The following ALK variants were observed in gnomAD, a reference collection of about 807,000 sequenced individuals.
ALK encodes the protein ALK receptor tyrosine kinase.
In ALK, 74 loss-of-function variants were observed where a neutral mutation model predicts 163.1. The observed-to-expected ratio is 0.45, with a 90% confidence interval of 0.38 to 0.55. ALK has a LOEUF of 0.55. ALK is among the 20% of genes least tolerant of loss of function. The pLI, the probability that ALK is intolerant of heterozygous loss-of-function variation, is 0.00. For synonymous variants in ALK, 960 were observed against 843.2 expected, an observed-to-expected ratio of 1.14 and a Z score of -2.40; for missense variants, 2,063 against 2,105.3, an observed-to-expected ratio of 0.98 and a Z score of 0.39.
chr2:29,507,352 G>A (rs1175891569), intron 4 of ALK, among the ~76,000 whole-genome samples: 1 of 152,162 alleles, frequency 6.6e-6, no homozygotes, highest in Non-Finnish European at 1.5e-5. Flanking sequence ...AAGTATAGTG[G>A]TGGTTGCCTG....
intron 3 of ALK, among the ~76,000 whole-genome samples, chr2:29,685,167 G>A (rs560097464): frequency 6.6e-6 from 1 of 152,256 alleles, no homozygotes; most frequent in African/African-American, 2.4e-5. Context: ...TCATTTATGA[G>A]CCAGTTGGCA....
At chr2:29,861,773 C>T (rs1312443566) in intron 1 of ALK, among the ~76,000 whole-genome samples, 3 of 152,134 alleles carry the variant, frequency 2.0e-5, no homozygotes, top group Non-Finnish European at 2.9e-5. Context: ...TACTTCCAAA[C>T]TCACTTTATG....
Position 29,920,198 on chromosome 2 carries a change from G to A in ALK, c.462C>T (p.Cys154=), listed in dbSNP as rs755369862. 2 of 1,613,400 alleles carry A rather than the reference G, an allele frequency of 1.2e-6. No individual in the cohort carries two copies. The highest frequency in any genetic ancestry group is 1.1e-5 in the South Asian group (1 of 91,072). ...CAGCCGCCTCCCCGGGGGGCCCGAC[G>A]CAACCCTCCAAGATCGCCTCCTCGC... The part of the protein sequence containing the change: ...ELGEEAILEG[C]VGPPGEAAVG... The change falls in exon 1 of 29, where the codon TGC becomes TGT. Residue 154 remains cysteine (C), a synonymous_variant. Coordinates refer to ENST00000389048, the MANE Select transcript of ALK (RefSeq NM_004304.5).
intron 4 of ALK, among the ~76,000 whole-genome samples, chr2:29,397,579 T>A (rs1669341758): frequency 6.6e-6 from 1 of 152,234 alleles, no homozygotes; most frequent in African/African-American, 2.4e-5. Context: ...ACTTTAAAAG[T>A]ATTTTTGCAG....
intron 6 of ALK, among the ~76,000 whole-genome samples, 168 bp downstream of exon 6, chr2:29,328,182 A>C (rs1667330547): frequency 6.6e-6 from 1 of 152,222 alleles, no homozygotes; most frequent in African/African-American, 2.4e-5. Context: ...TAGACCACAA[A>C]TCTTAGCTCT....
intron 1 of ALK, among the ~76,000 whole-genome samples, chr2:29,751,916 A>G (rs1680376303): frequency 6.6e-6 from 1 of 152,332 alleles, no homozygotes; most frequent in Non-Finnish European, 1.5e-5. Flanking sequence ...AACAACAATG[A>G]TGATAATTGT....
chr2:29,652,976 C>T (rs1677077066), intron 3 of ALK, among the ~76,000 whole-genome samples: 1 of 152,128 alleles, frequency 6.6e-6, no homozygotes, highest in Non-Finnish European at 1.5e-5. Context: ...ATGGTGAGAA[C>T]CCCAACTTGA....
At chr2:29,592,403 T>C (rs1267303049) in intron 3 of ALK, among the ~76,000 whole-genome samples, 1 of 152,166 alleles carries the variant, frequency 6.6e-6, no homozygotes, top group African/African-American at 2.4e-5. Flanking sequence ...CCTTAGTCCA[T>C]GCTGGCTCAA....
chr2:29,358,549 G>A (rs1279635547), intron 5 of ALK, among the ~76,000 whole-genome samples: 4 of 152,204 alleles, frequency 2.6e-5, no homozygotes, highest in Admixed American at 6.5e-5. Context: ...CAGACTGATT[G>A]ACAGCAAGTT....
intron 4 of ALK, among the ~76,000 whole-genome samples, chr2:29,484,719 G>T (rs1671739925): frequency 6.6e-6 from 1 of 151,928 alleles, no homozygotes; most frequent in African/African-American, 2.4e-5. Context: ...CTTTTCATGA[G>T]ATCTATAAAT....
intron 4 of ALK, among the ~76,000 whole-genome samples, chr2:29,466,741 A>C (rs535335995): frequency 3.0e-4 from 45 of 152,244 alleles, no homozygotes; most frequent in African/African-American, 1.1e-3. Flanking sequence ...AATGAGGTAG[A>C]AAAAAGCTGA....
chr2:29,628,347 A>T (rs946770864), intron 3 of ALK, among the ~76,000 whole-genome samples: 1 of 152,188 alleles, frequency 6.6e-6, no homozygotes, highest in South Asian at 2.1e-4. Context: ...GATGAATCAC[A>T]TGTGCTCTCT....
At chr2:29,391,256 C>A (rs1420200577) in intron 4 of ALK, among the ~76,000 whole-genome samples, 1 of 143,070 alleles carries the variant, frequency 7.0e-6, no homozygotes, top group Non-Finnish European at 1.5e-5. Context: ...TGTTTCGGAA[C>A]AAAGACAACA....
Position 29,657,400 on chromosome 2 carries a change from A to G in ALK, c.952+37450T>C, listed in dbSNP as rs546058713. On this transcript the variant is annotated intron_variant, in intron 3 of 28. Coordinates refer to ENST00000389048, the MANE Select transcript of ALK (RefSeq NM_004304.5). ...CTCATCTGTAAAATGGGGACAGCAT[A>G]GAAGGGTCCTTGTTAAGACTAAAGA... Among the ~76,000 whole-genome samples the G allele has an allele frequency of 2.7e-5, 4 of 150,070 alleles. No homozygotes were observed. In the South Asian group the frequency reaches 6.3e-4, roughly 24 times the overall value.
At chr2:29,339,664 G>A (rs1289972756) in intron 5 of ALK, among the ~76,000 whole-genome samples, 2 of 152,226 alleles carry the variant, frequency 1.3e-5, no homozygotes, top group Non-Finnish European at 2.9e-5. Context: ...AGCAAGTCAC[G>A]GAGGCAGCTT....
At chr2:29,235,900 G>T (rs1275694689) in intron 13 of ALK, among the ~76,000 whole-genome samples, 1 of 121,348 alleles carries the variant, frequency 8.2e-6, no homozygotes, top group Non-Finnish European at 1.7e-5. Flanking sequence ...AAGAAACAGG[G>T]TCTTGCTATG....
At chr2:29,761,846 G>A (rs970513064) in intron 1 of ALK, among the ~76,000 whole-genome samples, 1 of 151,016 alleles carries the variant, frequency 6.6e-6, no homozygotes, top group Admixed American at 6.6e-5. Flanking sequence ...CAGAAGCTTA[G>A]AAGGACTCCA....
intron 3 of ALK, among the ~76,000 whole-genome samples, chr2:29,654,558 C>G (rs1055710269): frequency 1.3e-5 from 2 of 152,078 alleles, no homozygotes; most frequent in Non-Finnish European, 2.9e-5. Flanking sequence ...AACTGGAGAT[C>G]ACCCTTTGAG....
rs534924755 is a variant in ALK at position 29,624,822 on chromosome 2, C to A, written c.952+70028G>T. 4.3e-4 allele frequency among the ~76,000 whole-genome samples: 65 copies of A among 152,308 alleles called. 1 individual carries two copies. Among genetic ancestry groups the A allele is most frequent in the African/African-American group, 1.3e-3 (53 of 41,554 alleles). On this transcript the variant is annotated intron_variant, in intron 3 of 28. Coordinates refer to ENST00000389048, the MANE Select transcript of ALK (RefSeq NM_004304.5). Reference sequence around the variant, plus strand: ...TTCCCTCTGCAATTCCCAAATCCCACGCCAAGGCACTACAAATAAGAGTGT... The same window carrying A: ...TTCCCTCTGCAATTCCCAAATCCCAAGCCAAGGCACTACAAATAAGAGTGT...
Sources: gnomAD v4.1 joint callset for allele counts (sites outside exome capture counted in the v4.1 genomes callset) on GRCh38, gnomAD v4.1.1 for gene constraint, MANE v1.5 for transcripts, NCBI Gene and HGNC (gene_info 2026-07-23, HGNC 2026-07-21) for gene names.